The following RIMS2 variants were observed in gnomAD, a reference collection of about 807,000 sequenced individuals.
RIMS2 encodes the protein regulating synaptic membrane exocytosis 2.
In RIMS2, 59 loss-of-function variants were observed where a neutral mutation model predicts 174.4. That is an observed-to-expected ratio of 0.34 (90% CI 0.27 to 0.42). RIMS2 has a LOEUF of 0.42. RIMS2 is among the 10% of genes least tolerant of loss of function. The probability of loss-of-function intolerance (pLI) is 1.00; values close to 1 mark genes in which losing one functional copy is unlikely to be tolerated. For missense variants in RIMS2, 1,620 were observed against 1,666.3 expected (o/e 0.97, Z 0.48); for synonymous variants, 606 against 572.5 (o/e 1.06, Z -0.84).
intron 1 of RIMS2, among the ~76,000 whole-genome samples, chr8:103,571,995 G>A (rs747692920): frequency 2.0e-5 from 3 of 152,156 alleles, no homozygotes; most frequent in South Asian, 2.1e-4. Context: ...GGTTCCTTCC[G>A]GTGGGTTCTT....
intron 2 of RIMS2, among the ~76,000 whole-genome samples, chr8:103,706,549 G>T (rs1051387542): frequency 6.6e-6 from 1 of 152,050 alleles, no homozygotes; most frequent in Admixed American, 6.6e-5. Flanking sequence ...ATGTTTGAAG[G>T]ATTGCTGTGT....
chr8:103,910,641 G>A, intron 5 of RIMS2, 112 bp downstream of exon 8: 1 of 610,148 alleles, frequency 1.6e-6, no homozygotes, highest in Non-Finnish European at 2.8e-6. Flanking sequence ...AAGGGTCACT[G>A]TAGCATTTCT....
chr8:103,860,150 G>C (rs2099050795), intron 3 of RIMS2, among the ~76,000 whole-genome samples: 1 of 152,166 alleles, frequency 6.6e-6, no homozygotes, highest in African/African-American at 2.4e-5. Flanking sequence ...TGAAAGCACT[G>C]ATTGGAGAAA....
At chr8:103,626,785 G>A (rs1450071506) in intron 1 of RIMS2, among the ~76,000 whole-genome samples, 1 of 152,080 alleles carries the variant, frequency 6.6e-6, no homozygotes, top group East Asian at 1.9e-4. Context: ...GCGACCTTGA[G>A]CCGCAAAACC....
At chr8:103,983,989 C>A (rs1024124791) in intron 16 of RIMS2, among the ~76,000 whole-genome samples, 2 of 151,804 alleles carry the variant, frequency 1.3e-5, no homozygotes, top group African/African-American at 4.8e-5. Context: ...CTGGCTAACA[C>A]GGTGAAACCC....
In RIMS2 at chr8:104,223,498, G is replaced by A. The variant is rs116694421; in HGVS notation, c.3335-21418G>A. The A allele has an allele frequency of 1.8e-3, 2,573 of 1,390,878 alleles. 37 individuals carry two copies. In the African/African-American group the frequency reaches 0.034, roughly 18 times the overall value. 86.2% of individuals were successfully genotyped at this position (1,390,878 alleles called of 1,614,324 possible). A position where few individuals can be genotyped will look rare whatever the true frequency, so the allele number is the denominator to read the frequency against. On this transcript the variant is annotated intron_variant, in intron 19 of 23. Coordinates refer to ENST00000504942, the Ensembl canonical transcript of RIMS2. ...GGCCAGGAAAGCCACGTCTCCTCCG[G>A]GCTGGGTCAGGGAGGCAGGGGCCAG...
intron 19 of RIMS2, among the ~76,000 whole-genome samples, chr8:104,081,199 A>C (rs1598409024): frequency 6.6e-6 from 1 of 151,998 alleles, no homozygotes; most frequent in Non-Finnish European, 1.5e-5. Flanking sequence ...CAAGGCCAAC[A>C]GTCTCCAGGG....
intron 19 of RIMS2, among the ~76,000 whole-genome samples, chr8:104,082,788 C>T (rs1449986427): frequency 6.6e-6 from 1 of 151,602 alleles, no homozygotes; most frequent in Non-Finnish European, 1.5e-5. Flanking sequence ...ATTTTAATAT[C>T]TGTATTACTT....
chr8:103,598,206 T>A (rs1441030392), intron 1 of RIMS2, among the ~76,000 whole-genome samples: 1 of 152,194 alleles, frequency 6.6e-6, no homozygotes, highest in Non-Finnish European at 1.5e-5. Context: ...CCATCACAAC[T>A]TTTGTATGAG....
intron 3 of RIMS2, among the ~76,000 whole-genome samples, chr8:103,793,312 C>G (rs2098518374): frequency 3.3e-5 from 5 of 152,272 alleles, no homozygotes; most frequent in African/African-American, 1.2e-4. Context: ...CTCATATAAA[C>G]AGAACCAAGA....
chr8:103,720,375 T>C (rs2097430364), intron 2 of RIMS2, among the ~76,000 whole-genome samples: 1 of 152,228 alleles, frequency 6.6e-6, no homozygotes, highest in Admixed American at 6.5e-5. Flanking sequence ...TCAAATTACA[T>C]CATTTTTGAT....
At chr8:103,556,055 G>A (rs1354535373) in intron 1 of RIMS2, among the ~76,000 whole-genome samples, 1 of 151,996 alleles carries the variant, frequency 6.6e-6, no homozygotes, top group Non-Finnish European at 1.5e-5. Context: ...TGAAATAAGG[G>A]GATTTGTGAG....
chr8:103,733,653 G>A (rs1218566127), intron 2 of RIMS2, among the ~76,000 whole-genome samples: 1 of 152,180 alleles, frequency 6.6e-6, no homozygotes, highest in African/African-American at 2.4e-5. Flanking sequence ...TCTGTGGGTG[G>A]TAGCTGAGTG....
intron 19 of RIMS2, among the ~76,000 whole-genome samples, chr8:104,203,458 T>G (rs1442885721): frequency 2.0e-5 from 3 of 150,738 alleles, no homozygotes; most frequent in Admixed American, 2.0e-4. Context: ...TTAATACAAG[T>G]TTTAGGAGTT....
chr8:104,184,190 GACAA>G (rs1442307164), intron 19 of RIMS2, among the ~76,000 whole-genome samples: 12 of 151,644 alleles, frequency 7.9e-5, no homozygotes, highest in Middle Eastern at 3.4e-3. Flanking sequence ...CATGACCAGA[GACAA>G]ACAAAGTAAC....
intron 3 of RIMS2, among the ~76,000 whole-genome samples, chr8:103,776,285 C>T (rs1020503097): frequency 6.6e-6 from 1 of 152,062 alleles, no homozygotes; most frequent in African/African-American, 2.4e-5. Context: ...ACTACTAAAA[C>T]GAAGTGTGAT....
intron 1 of RIMS2, among the ~76,000 whole-genome samples, chr8:103,683,563 C>T (rs1487296000): frequency 6.6e-6 from 1 of 152,186 alleles, no homozygotes; most frequent in Non-Finnish European, 1.5e-5. Flanking sequence ...GTCCAGTACT[C>T]CAATGCCTCC....
chr8:103,932,577 G>C (rs1222177836), intron 12 of RIMS2, among the ~76,000 whole-genome samples: 2 of 152,236 alleles, frequency 1.3e-5, no homozygotes, highest in East Asian at 3.9e-4. Flanking sequence ...TAAGGGAAGA[G>C]GTCATCCATA....
intron 17 of RIMS2, among the ~76,000 whole-genome samples, chr8:104,007,227 A>G (rs1217964972): frequency 1.3e-5 from 2 of 152,070 alleles, no homozygotes; most frequent in Non-Finnish European, 2.9e-5. Flanking sequence ...GTGATTTGTA[A>G]TGTTTATCAT....
Sources: gnomAD v4.1 joint callset for allele counts (sites outside exome capture counted in the v4.1 genomes callset) on GRCh38, gnomAD v4.1.1 for gene constraint, MANE v1.5 for transcripts, NCBI Gene and HGNC (gene_info 2026-07-23, HGNC 2026-07-21) for gene names.